Variants in CASP8 observed in about 807,000 individuals in gnomAD.
CASP8 encodes the protein caspase-8.
Under a neutral mutation model 46.3 loss-of-function variants are expected in CASP8, and 24 were observed. That is an observed-to-expected ratio of 0.52 (90% CI 0.38 to 0.73). The LOEUF (loss-of-function observed/expected upper bound fraction) is 0.73. CASP8 is among the 30% of genes least tolerant of loss of function. The probability of loss-of-function intolerance (pLI) is 0.00; values close to 1 mark genes in which losing one functional copy is unlikely to be tolerated. For missense variants in CASP8, 460 were observed against 559.0 expected, an observed-to-expected ratio of 0.82 and a Z score of 1.79; for synonymous variants, 188 against 200.4, an observed-to-expected ratio of 0.94 and a Z score of 0.52.
At chr2:201,252,810 G>A (rs1331923496) in intron 2 of CASP8, among the ~76,000 whole-genome samples, 1 of 152,082 alleles carries the variant, frequency 6.6e-6, no homozygotes, top group Non-Finnish European at 1.5e-5. Context: ...TAACAGTTTT[G>A]AGGAAAGAAA....
At position 201,236,678 on chromosome 2, in the gene CASP8, G is replaced by A. The variant is rs569010648; in HGVS notation, c.-27+2566G>A. On this transcript the variant is annotated intron_variant, in intron 2 of 6. Coordinates refer to the CASP8 transcript ENST00000264274. Reference sequence around the variant, plus strand: ...CGGCTTACCGAACCCTGGCCCCACCGCAGACTCAACCTCCCAGGCTCAAGT... The same window carrying A: ...CGGCTTACCGAACCCTGGCCCCACCACAGACTCAACCTCCCAGGCTCAAGT... Among the ~76,000 whole-genome samples the A allele has an allele frequency of 8.6e-5, 13 of 151,888 alleles. No homozygotes were observed. The South Asian group carries it at 2.5e-3, about 29-fold the overall frequency.
intron 7 of CASP8, chr2:201,277,606 C>T: frequency 3.0e-6 from 1 of 337,612 alleles, no homozygotes; most frequent in Non-Finnish European, 5.7e-6. Context: ...TCAGGCATAA[C>T]ATCAATTATT....
At chr2:201,263,899 A>G (rs1364441355) in intron 1 of CASP8, among the ~76,000 whole-genome samples, 1 of 152,264 alleles carries the variant, frequency 6.6e-6, no homozygotes, top group Admixed American at 6.5e-5. Flanking sequence ...AAATTCAAAC[A>G]GTACAAACTG....
At chr2:201,247,674 T>G (rs545586398) in intron 2 of CASP8, among the ~76,000 whole-genome samples, 3 of 150,588 alleles carry the variant, frequency 2.0e-5, no homozygotes, top group African/African-American at 7.4e-5. Context: ...AGATGGAGTC[T>G]CGCTCTGTTG....
Position 201,276,802 on chromosome 2 carries a change from C to T in CASP8, c.661-25C>T, listed in dbSNP as rs778975031. The T allele has an allele frequency of 3.1e-6, 5 of 1,613,676 alleles. No individual in the cohort carries two copies. In the African/African-American group the frequency reaches 4.0e-5, roughly 13 times the overall value. On this transcript the variant is annotated intron_variant, in intron 6 of 8. Coordinates refer to ENST00000673742, the MANE Select transcript of CASP8 (RefSeq NM_001372051.1). ...TAGTGTTTGACCCACAGAGTCAGCT[C>T]CTGGGTTGGGTTTTTGTTTTCCAGA...
chr2:201,259,083 G>A (rs1465242587), upstream of CASP8, among the ~76,000 whole-genome samples: 5 of 152,108 alleles, frequency 3.3e-5, no homozygotes, highest in Non-Finnish European at 1.5e-5. Flanking sequence ...GAGATAATAC[G>A]CATACATCAC....
chr2:201,247,560 C>T (rs917511488), intron 2 of CASP8, among the ~76,000 whole-genome samples: 2 of 151,228 alleles, frequency 1.3e-5, no homozygotes, highest in Admixed American at 6.6e-5. Flanking sequence ...CTCACTGCAA[C>T]CTCTGCCTCC....
At chr2:201,277,671 T>A (rs1233711115) in intron 7 of CASP8, 1 of 425,260 alleles carries the variant, frequency 2.4e-6, no homozygotes, top group Non-Finnish European at 4.6e-6. Flanking sequence ...CTGATTATAA[T>A]CATCAGGAGT....
rs2125252209 is a variant in CASP8, at chr2:201,272,593, G to A, written c.412-45G>A. On this transcript the variant is annotated intron_variant, in intron 3 of 8. Transcript: ENST00000673742. The surrounding 1 kb of genome is among the most constrained non-coding windows in gnomAD (Gnocchi z 4.4). ...AAAAAAAAATCTAATCTAAAAACCA[G>A]TAGGGCTCAATCCAGATTCCCAACT... 6.2e-7 allele frequency: 1 copy of A among 1,609,556 alleles called. No homozygotes were observed. Among genetic ancestry groups the A allele is most frequent in the Non-Finnish European group, 8.5e-7 (1 of 1,176,338 alleles).
intron 2 of CASP8, among the ~76,000 whole-genome samples, chr2:201,243,967 G>A (rs1473592019): frequency 1.3e-5 from 2 of 152,204 alleles, no homozygotes; most frequent in Non-Finnish European, 2.9e-5. Flanking sequence ...GCTAATGGCT[G>A]GGCCTGACAG....
chr2:201,244,091 G>A (rs1439950903), intron 2 of CASP8, among the ~76,000 whole-genome samples: 1 of 152,182 alleles, frequency 6.6e-6, no homozygotes, highest in Non-Finnish European at 1.5e-5. Context: ...GAATGGGTTG[G>A]ATTTTGAGGG....
chr2:201,246,212 T>G (rs541649076), intron 2 of CASP8, among the ~76,000 whole-genome samples: 4 of 152,314 alleles, frequency 2.6e-5, no homozygotes, highest in African/African-American at 9.6e-5. Context: ...ATTGCAGGCC[T>G]CTTTCGTTTT....
chr2:201,276,508 A>G (rs1158830381), intron 6 of CASP8, among the ~76,000 whole-genome samples: 1 of 152,248 alleles, frequency 6.6e-6, no homozygotes, highest in Non-Finnish European at 1.5e-5. Context: ...CACAGATGTT[A>G]TGAACCTCAA....
At chr2:201,245,778 C>T (rs1946485142) in intron 2 of CASP8, among the ~76,000 whole-genome samples, 1 of 152,208 alleles carries the variant, frequency 6.6e-6, no homozygotes, top group South Asian at 2.1e-4. Context: ...ATGTATCTCC[C>T]TGCTGGGCTT....
upstream of CASP8, among the ~76,000 whole-genome samples, chr2:201,255,978 G>T (rs751328915): frequency 3.3e-5 from 5 of 152,134 alleles, no homozygotes; most frequent in African/African-American, 4.8e-5. Flanking sequence ...GGCTGGCCTC[G>T]ATCTCTTGGG....
At chr2:201,236,885 C>A (rs956468362) in intron 2 of CASP8, among the ~76,000 whole-genome samples, 5 of 152,192 alleles carry the variant, frequency 3.3e-5, no homozygotes, top group Non-Finnish European at 5.9e-5. Flanking sequence ...AGATGACAGG[C>A]GTGGGCCACT....
chr2:201,249,544 C>T (rs771343094), intron 2 of CASP8, among the ~76,000 whole-genome samples: 2 of 152,174 alleles, frequency 1.3e-5, no homozygotes, highest in Non-Finnish European at 2.9e-5. Context: ...CTGTTCAGAC[C>T]TCTTGCCCAC....
intron 1 of CASP8, among the ~76,000 whole-genome samples, chr2:201,264,396 G>T (rs910537465): frequency 1.7e-4 from 25 of 149,564 alleles, no homozygotes; most frequent in African/African-American, 6.3e-4. Flanking sequence ...TTTTGGTTTT[G>T]GTTTTGCTTT....
At chr2:201,257,971 C>A, upstream of CASP8, 1 of 472,410 alleles carries the variant, frequency 2.1e-6, no homozygotes, top group Non-Finnish European at 3.9e-6. Flanking sequence ...TGCCACATCC[C>A]TCTTCTGAAT....
Sources: gnomAD v4.1 joint callset for allele counts (sites outside exome capture counted in the v4.1 genomes callset) on GRCh38, gnomAD v4.1.1 for gene constraint, Gnocchi (gnomAD v3.1) non-coding constraint, MANE v1.5 for transcripts, NCBI Gene and HGNC (gene_info 2026-07-23, HGNC 2026-07-21) for gene names.